The following SPATA13 variants were observed in gnomAD, a reference collection of about 807,000 sequenced individuals.
SPATA13 encodes the protein spermatogenesis associated 13.
A neutral mutation model predicts 104.0 loss-of-function variants in SPATA13; 50 were observed. The observed-to-expected ratio is 0.48, with a 90% CI of 0.38 to 0.61. The LOEUF (loss-of-function observed/expected upper bound fraction) is 0.61, where lower values mean the gene tolerates loss of function less well. Among genes scored for constraint, SPATA13 ranks in the 20% least tolerant of loss-of-function variants. The pLI is 0.00. For missense variants in SPATA13, 1,524 were observed against 1,690.6 expected (o/e 0.90, Z 1.73); for synonymous variants, 606 against 667.5 (o/e 0.91, Z 1.42).
At chr13:24,261,538 A>G (rs73465853) in intron 4 of SPATA13, among the ~76,000 whole-genome samples, 132 of 152,296 alleles carry the variant, frequency 8.7e-4, no homozygotes, top group African/African-American at 3.2e-3. Flanking sequence ...GAGTGGGGGT[A>G]AAAATGAGAA....
At chr13:24,092,891 T>C (rs1214237178) in intron 3 of SPATA13, among the ~76,000 whole-genome samples, 1 of 152,232 alleles carries the variant, frequency 6.6e-6, no homozygotes, top group East Asian at 1.9e-4. Flanking sequence ...CGAGTAAGCC[T>C]GAAACACTGA....
At position 24,286,298 on chromosome 13, in the gene SPATA13, G is replaced by A. The variant is rs776044608; in HGVS notation, c.2386G>A (p.Gly796Arg). 1.9e-6 allele frequency: 3 copies of A among 1,613,898 alleles called. No individual in the cohort carries two copies. The highest frequency in any genetic ancestry group is 2.2e-5 in the East Asian group (1 of 44,876). ...TGACCAGGAACTGGGCTTCAAAGCC[G>A]GGGATGTCATCCAGGTTCTGGAAGC... is the stretch of plus-strand genomic sequence containing the variant. ...MDDQELGFKA[G>R]DVIQVLEASN... The change falls in exon 6 of 13, where the codon GGG becomes AGG. Residue 796 changes from glycine to arginine, a missense_variant. Gly to Arg is a moderately radical substitution (Grantham distance 125). This residue lies in a region of SPATA13 where 1,089 missense variants were observed against 1,135.9 expected (regional missense o/e 0.96). Coordinates refer to ENST00000382108, the MANE Select transcript of SPATA13 (RefSeq NM_001166271.3). The surrounding 1 kb of genome is among the most constrained non-coding windows in gnomAD (Gnocchi z 4.9).
chr13:24,278,967 T>TCTTTC, intron 4 of SPATA13: 1 of 525,084 alleles, frequency 1.9e-6, no homozygotes, highest in East Asian at 3.8e-5. Flanking sequence ...CTTCCTTCCC[T>TCTTTC]CCTTCCCTCC....
chr13:24,119,572 C>T (rs759732741), intron 3 of SPATA13, among the ~76,000 whole-genome samples: 2 of 152,188 alleles, frequency 1.3e-5, no homozygotes, highest in Non-Finnish European at 2.9e-5. Context: ...TCTGTGAGAA[C>T]CTCTGCATGG....
At chr13:24,032,151 C>T (rs1877504569) in intron 3 of SPATA13, among the ~76,000 whole-genome samples, 1 of 152,172 alleles carries the variant, frequency 6.6e-6, no homozygotes, top group South Asian at 2.1e-4. Flanking sequence ...TTCTCTTCAG[C>T]AAGAATTCTG....
intron 1 of SPATA13, among the ~76,000 whole-genome samples, chr13:24,170,696 T>A (rs1227828264): frequency 6.6e-6 from 1 of 152,054 alleles, no homozygotes; most frequent in Non-Finnish European, 1.5e-5. Context: ...CGTAAAAAGA[T>A]CATTATGCAA....
intron 2 of SPATA13, among the ~76,000 whole-genome samples, chr13:24,007,071 C>T (rs1003435087): frequency 8.5e-5 from 13 of 152,288 alleles, no homozygotes; most frequent in Admixed American, 5.2e-4. Context: ...GTCCAGTGTC[C>T]CCTCAGCTGA....
intron 1 of SPATA13, among the ~76,000 whole-genome samples, chr13:24,207,298 T>A (rs1242991216): frequency 1.3e-5 from 2 of 152,190 alleles, no homozygotes; most frequent in African/African-American, 4.8e-5. Flanking sequence ...GATAGGATGA[T>A]ACGTGCAGCA....
intron 3 of SPATA13, among the ~76,000 whole-genome samples, chr13:24,059,994 C>G (rs1359251968): frequency 6.6e-6 from 1 of 152,152 alleles, no homozygotes; most frequent in Non-Finnish European, 1.5e-5. Flanking sequence ...TTGTATATGG[C>G]TCTTTTATTT....
intron 1 of SPATA13, among the ~76,000 whole-genome samples, chr13:24,175,239 T>A (rs866186537): frequency 3.3e-5 from 5 of 152,092 alleles, no homozygotes; most frequent in African/African-American, 4.8e-5. Context: ...TTGTTTTTTT[T>A]AATTTGTTTT....
At chr13:24,139,348 C>G (rs542933087) in intron 3 of SPATA13, among the ~76,000 whole-genome samples, 49 of 152,196 alleles carry the variant, frequency 3.2e-4, no homozygotes, top group Non-Finnish European at 6.0e-4. Context: ...GATTGAGACT[C>G]CAGCTTACCT....
At chr13:24,301,911 C>A (rs552347048) in intron 12 of SPATA13, among the ~76,000 whole-genome samples, 6 of 152,330 alleles carry the variant, frequency 3.9e-5, no homozygotes, top group Middle Eastern at 3.4e-3. Context: ...ATTCTCATAG[C>A]AACCCCATAG....
At chr13:24,187,955 TG>T in intron 1 of SPATA13, among the ~76,000 whole-genome samples, 1 of 152,326 alleles carries the variant, frequency 6.6e-6, no homozygotes, top group Admixed American at 6.5e-5. Flanking sequence ...GAAGGCATGT[TG>T]AAAGCCAAGA....
chr13:24,298,854 G>A (rs1876977066), intron 11 of SPATA13, among the ~76,000 whole-genome samples: 2 of 152,158 alleles, frequency 1.3e-5, no homozygotes, highest in Admixed American at 6.5e-5. Context: ...AGGCTAAAAC[G>A]GAAGCAGGGA....
At chr13:24,171,648 G>A (rs973617846) in intron 1 of SPATA13, among the ~76,000 whole-genome samples, 50 of 152,318 alleles carry the variant, frequency 3.3e-4, no homozygotes, top group East Asian at 3.9e-4. Context: ...TTCTGCATTT[G>A]TCCTTGTATC....
At chr13:24,271,113 C>G (rs752460944) in intron 4 of SPATA13, among the ~76,000 whole-genome samples, 1 of 151,712 alleles carries the variant, frequency 6.6e-6, no homozygotes, top group Non-Finnish European at 1.5e-5. Flanking sequence ...GAAAAGCTCA[C>G]TCTTCTAGTA....
At chr13:24,028,384 C>G (rs1877330256) in intron 3 of SPATA13, among the ~76,000 whole-genome samples, 1 of 152,176 alleles carries the variant, frequency 6.6e-6, no homozygotes, top group South Asian at 2.1e-4. Flanking sequence ...ATTCTTGAAA[C>G]AGTTTTGCTG....
At chr13:24,035,929 C>T (rs921450718) in intron 3 of SPATA13, among the ~76,000 whole-genome samples, 9 of 150,902 alleles carry the variant, frequency 6.0e-5, no homozygotes, top group Admixed American at 1.3e-4. Flanking sequence ...GCTGGAGAAT[C>T]GCTTGAGCCC....
chr13:24,114,156 A>G (rs1880748009), intron 3 of SPATA13, among the ~76,000 whole-genome samples: 1 of 152,252 alleles, frequency 6.6e-6, no homozygotes, highest in Non-Finnish European at 1.5e-5. Context: ...CAGATGTGCT[A>G]CAAGGTGCAA....
Sources: allele counts gnomAD v4.1 joint callset (sites outside exome capture counted in the v4.1 genomes callset), GRCh38; gene constraint gnomAD v4.1.1; regional missense constraint gnomAD v4.1.1; non-coding constraint Gnocchi (gnomAD v3.1); transcripts MANE v1.5; gene names NCBI Gene and HGNC (gene_info 2026-07-23, HGNC 2026-07-21).